The following UQCC2 variants were observed in gnomAD, a reference collection of about 807,000 sequenced individuals.
The protein encoded by UQCC2 is ubiquinol-cytochrome c reductase complex assembly factor 2.
A neutral mutation model predicts 19.9 loss-of-function variants in UQCC2; 21 were observed. The ratio of observed to expected loss-of-function variants is 1.05; its 90% CI spans 0.75 to 1.52. UQCC2 has a LOEUF of 1.52. Among genes scored for constraint, UQCC2 ranks in the 40% most tolerant of loss-of-function variants. The probability of loss-of-function intolerance (pLI) is 0.00; values close to 1 mark genes in which losing one functional copy is unlikely to be tolerated. For synonymous variants in UQCC2, 57 were observed against 60.9 expected (o/e 0.94, Z 0.30); for missense variants, 135 against 157.5 (o/e 0.86, Z 0.76).
chr6:33,703,120 G>GA (rs1765659103), intron 1 of UQCC2, among the ~76,000 whole-genome samples: 1 of 152,232 alleles, frequency 6.6e-6, no homozygotes, highest in Non-Finnish European at 1.5e-5. Flanking sequence ...CTTGTCCAGG[G>GA]AAAGTCCCAT....
At chr6:33,704,608 C>G (rs780096585) in intron 1 of UQCC2, among the ~76,000 whole-genome samples, 1 of 152,100 alleles carries the variant, frequency 6.6e-6, no homozygotes, top group Non-Finnish European at 1.5e-5. Flanking sequence ...TGGACCTTCC[C>G]GTCCTGCCAC....
Position 33,697,566 on chromosome 6 carries a change from G to A in UQCC2, c.*87C>T. ...GCTAGAGGAGATTCCCAAACCGTAA[G>A]GTCAAGGGGAAACTGGGGCAGTTTT... On this transcript the variant is annotated 3_prime_UTR_variant, in exon 4 of 4. Coordinates refer to ENST00000607484, the MANE Select transcript of UQCC2 (RefSeq NM_032340.4). The A allele has an allele frequency of 9.8e-7, 1 of 1,015,926 alleles. No homozygotes were observed. The highest frequency in any genetic ancestry group is 1.5e-6 in the Non-Finnish European group (1 of 687,878). The allele number at this position is 1,015,926 out of a possible 1,614,324, so 62.9% of individuals were successfully genotyped here.
At position 33,706,018 on chromosome 6, in the gene UQCC2, G is replaced by A. The variant is rs149485984; in HGVS notation, c.139-4598C>T. Among the ~76,000 whole-genome samples, 1,071 of 152,214 alleles carry A rather than the reference G, an allele frequency of 7.0e-3. 5 individuals carry two copies. Among genetic ancestry groups the A allele is most frequent in the Middle Eastern group, 0.014 (4 of 294 alleles). ...CCTTTTGCATTTCCCCTGTTCAGTC[G>A]TCAGTAAATTTCTCTTTACCATATT... On this transcript the variant is annotated intron_variant, in intron 1 of 3. Coordinates refer to ENST00000607484, the MANE Select transcript of UQCC2 (RefSeq NM_032340.4).
chr6:33,711,390 G>A (rs935459252), intron 1 of UQCC2, among the ~76,000 whole-genome samples, 159 bp downstream of exon 1: 1 of 152,228 alleles, frequency 6.6e-6, no homozygotes, highest in Non-Finnish European at 1.5e-5. Context: ...AACGGGCGTC[G>A]CTATCAGTAG....
intron 1 of UQCC2, among the ~76,000 whole-genome samples, chr6:33,707,475 A>C (rs1027463122): frequency 1.3e-5 from 2 of 152,364 alleles, no homozygotes; most frequent in South Asian, 4.1e-4. Flanking sequence ...AAACCTTTGA[A>C]TTCTCCTCTG....
At chr6:33,708,633 A>C (rs1384353280) in intron 1 of UQCC2, among the ~76,000 whole-genome samples, 1 of 152,188 alleles carries the variant, frequency 6.6e-6, no homozygotes, top group Non-Finnish European at 1.5e-5. Flanking sequence ...GTCTTCTGGC[A>C]ACCGGCTTAA....
chr6:33,706,244 T>TA (rs1304350785), intron 1 of UQCC2, among the ~76,000 whole-genome samples: 3 of 152,146 alleles, frequency 2.0e-5, no homozygotes, highest in Non-Finnish European at 4.4e-5. Flanking sequence ...GGAGGATCTA[T>TA]AAAAAAAGGT....
At chr6:33,698,145 CCA>C (rs1765592003) in intron 3 of UQCC2, 1 of 172,660 alleles carries the variant, frequency 5.8e-6, no homozygotes, top group African/African-American at 2.4e-5. Context: ...CTTCCTGTCC[CCA>C]GTTTTCAGGT....
intron 1 of UQCC2, among the ~76,000 whole-genome samples, chr6:33,710,155 C>G (rs1340165002): frequency 6.6e-6 from 1 of 152,138 alleles, no homozygotes; most frequent in Non-Finnish European, 1.5e-5. Flanking sequence ...AACCTGAATC[C>G]AACCACTTCC....
At chr6:33,711,219 T>C (rs1765765161) in intron 1 of UQCC2, among the ~76,000 whole-genome samples, 1 of 152,186 alleles carries the variant, frequency 6.6e-6, no homozygotes, top group South Asian at 2.1e-4. Flanking sequence ...AGTCCCACTA[T>C]GTTGCCCAGG....
At chr6:33,706,543 G>A (rs920245258) in intron 1 of UQCC2, among the ~76,000 whole-genome samples, 1 of 152,202 alleles carries the variant, frequency 6.6e-6, no homozygotes, top group Non-Finnish European at 1.5e-5. Flanking sequence ...CCCGAGGTGG[G>A]AGTTGGGCAC....
At chr6:33,703,251 C>G (rs1273662285) in intron 1 of UQCC2, among the ~76,000 whole-genome samples, 4 of 152,100 alleles carry the variant, frequency 2.6e-5, no homozygotes, top group Non-Finnish European at 4.4e-5. Context: ...TGCAAACTCC[C>G]CTCCTGGGTT....
In UQCC2 at chr6:33,711,566, CCCGAAAGG is replaced by C. The variant is rs1765772931; in HGVS notation, c.113_120del (p.Ala38GlyfsTer11). On this transcript the variant is annotated frameshift_variant, in exon 1 of 4. Coordinates refer to ENST00000607484, the MANE Select transcript of UQCC2 (RefSeq NM_032340.4). LOFTEE classifies it high-confidence loss of function. ...CCGGTCACCTGGGTATTCTCTCCCT[CCCGAAAGG>C]CCTGTGCTACCCGCTGTCGCAGGTA... The C allele has an allele frequency of 6.2e-7, 1 of 1,610,484 alleles. No homozygotes were observed. Among genetic ancestry groups the C allele is most frequent in the African/African-American group, 1.3e-5 (1 of 74,694 alleles).
intron 1 of UQCC2, among the ~76,000 whole-genome samples, chr6:33,707,782 G>A (rs1336833014): frequency 1.3e-5 from 2 of 152,186 alleles, no homozygotes; most frequent in Non-Finnish European, 2.9e-5. Flanking sequence ...CTTCCCCCAC[G>A]TTGCAATTCT....
intron 1 of UQCC2, among the ~76,000 whole-genome samples, chr6:33,709,703 A>C (rs1024155412): frequency 6.6e-6 from 1 of 152,024 alleles, no homozygotes; most frequent in African/African-American, 2.4e-5. Flanking sequence ...AGTCACAATG[A>C]TGCCACTGGG....
chr6:33,705,525 G>GT (rs1312020105), intron 1 of UQCC2, among the ~76,000 whole-genome samples: 1 of 152,186 alleles, frequency 6.6e-6, no homozygotes, highest in Admixed American at 6.5e-5. Flanking sequence ...GGTGACAGGA[G>GT]TTTGAGACAT....
Position 33,697,396 on chromosome 6 carries a change from C to A in UQCC2, c.*257G>T. On this transcript the variant is annotated 3_prime_UTR_variant, in exon 4 of 4. Transcript: ENST00000607484. ...CACCTTGTGCCGAGGCCCCATTACC[C>A]TCATCAGGCCCAGAGGGAAACCTGC... 1 of 395,316 alleles carries A rather than the reference C, an allele frequency of 2.5e-6. No individual in the cohort carries two copies. Among genetic ancestry groups the A allele is most frequent in the Non-Finnish European group, 4.5e-6 (1 of 223,238 alleles). The allele number at this position is 395,316 out of a possible 1,614,324, so 24.5% of individuals were successfully genotyped here. A position where few individuals can be genotyped will look rare whatever the true frequency, so the allele number is the denominator to read the frequency against.
intron 1 of UQCC2, among the ~76,000 whole-genome samples, chr6:33,705,488 C>T (rs1765689582): frequency 6.6e-6 from 1 of 152,124 alleles, no homozygotes; most frequent in South Asian, 2.1e-4. Flanking sequence ...AGGTGTCTAA[C>T]TGAGGCTGTA....
intron 1 of UQCC2, among the ~76,000 whole-genome samples, chr6:33,703,087 G>C (rs757534029): frequency 6.6e-6 from 1 of 152,252 alleles, no homozygotes; most frequent in Non-Finnish European, 1.5e-5. Context: ...ATATGAGGCT[G>C]TGGTCTCCCT....
Sources: allele counts gnomAD v4.1 joint callset (sites outside exome capture counted in the v4.1 genomes callset), GRCh38; gene constraint gnomAD v4.1.1; transcripts MANE v1.5; gene names NCBI Gene and HGNC (gene_info 2026-07-23, HGNC 2026-07-21).